Variants in MTA3 observed in about 807,000 individuals in gnomAD.
MTA3 encodes the protein metastasis associated 1 family member 3.
Under a neutral mutation model 83.5 loss-of-function variants are expected in MTA3, and 34 were observed. The observed-to-expected ratio is 0.41, with a 90% CI of 0.31 to 0.54. The LOEUF is 0.54. MTA3 is among the 20% of genes least tolerant of loss of function. The pLI is 0.33. For synonymous variants in MTA3, 303 were observed against 252.7 expected (o/e 1.20, Z -1.89); for missense variants, 761 against 726.4 (o/e 1.05, Z -0.55).
intron 2 of MTA3, among the ~76,000 whole-genome samples, chr2:42,558,238 C>CTTT (rs777256051): frequency 5.6e-5 from 7 of 125,928 alleles, no homozygotes; most frequent in African/African-American, 8.8e-5. Context: ...CACCTGAGGA[C>CTTT]TTTTTTTTTT....
intron 9 of MTA3, among the ~76,000 whole-genome samples, chr2:42,685,925 C>A (rs1331500844): frequency 1.3e-5 from 2 of 152,106 alleles, no homozygotes; most frequent in Admixed American, 6.5e-5. Context: ...TCCTATAATG[C>A]CATCACAGGT....
intron 2 of MTA3, among the ~76,000 whole-genome samples, chr2:42,506,164 G>C (rs1028810906): frequency 6.6e-6 from 1 of 152,126 alleles, no homozygotes; most frequent in African/African-American, 2.4e-5. Context: ...AAAAAGTAAA[G>C]CCCAGTACGG....
At chr2:42,680,019 A>G (rs1160788677) in intron 8 of MTA3, 8 of 152,368 alleles carry the variant, frequency 5.3e-5, no homozygotes, top group Non-Finnish European at 1.2e-4. Context: ...TATTCAAGTT[A>G]TACAAAACCA....
At chr2:42,746,157 T>C (rs1304416186) in intron 16 of MTA3, among the ~76,000 whole-genome samples, 1 of 152,166 alleles carries the variant, frequency 6.6e-6, no homozygotes. Context: ...TCTTGAAATC[T>C]TTGTCTGATT....
chr2:42,540,045 T>G (rs1676451495), intron 2 of MTA3, among the ~76,000 whole-genome samples: 2 of 152,078 alleles, frequency 1.3e-5, no homozygotes, highest in African/African-American at 4.8e-5. Flanking sequence ...GCTGGAAATT[T>G]TTAAATAACG....
intron 16 of MTA3, among the ~76,000 whole-genome samples, chr2:42,742,359 A>T (rs1009460663): frequency 2.0e-5 from 3 of 152,078 alleles, no homozygotes; most frequent in African/African-American, 7.2e-5. Flanking sequence ...GGTGTGTCTC[A>T]AGTGCCTGAC....
At chr2:42,596,061 C>CT (rs1416889128) in intron 3 of MTA3, among the ~76,000 whole-genome samples, 1 of 152,132 alleles carries the variant, frequency 6.6e-6, no homozygotes, top group African/African-American at 2.4e-5. Context: ...ATTTGAAAAA[C>CT]TTTTTCTTAT....
At chr2:42,699,053 G>T (rs993279893) in intron 11 of MTA3, among the ~76,000 whole-genome samples, 1 of 152,110 alleles carries the variant, frequency 6.6e-6, no homozygotes, top group Non-Finnish European at 1.5e-5. Context: ...AATACATTTG[G>T]CTAGTTTTGA....
At chr2:42,510,572 T>G (rs770386253) in intron 2 of MTA3, among the ~76,000 whole-genome samples, 25 of 152,218 alleles carry the variant, frequency 1.6e-4, no homozygotes, top group Non-Finnish European at 2.9e-4. Flanking sequence ...AAATTGTGAA[T>G]TATATCTTAA....
chr2:42,607,511 T>C (rs1683622877), intron 3 of MTA3, among the ~76,000 whole-genome samples: 1 of 151,946 alleles, frequency 6.6e-6, no homozygotes, highest in Non-Finnish European at 1.5e-5. Flanking sequence ...TCTGAGTAGC[T>C]GGGACCATGG....
chr2:42,545,866 G>T (rs895926457), intron 2 of MTA3, among the ~76,000 whole-genome samples: 3 of 152,106 alleles, frequency 2.0e-5, no homozygotes, highest in African/African-American at 4.8e-5. Context: ...ACTTCCTACT[G>T]TGCCACGCTG....
intron 2 of MTA3, among the ~76,000 whole-genome samples, chr2:42,512,748 C>T (rs1674961336): frequency 6.6e-6 from 1 of 152,212 alleles, no homozygotes; most frequent in Non-Finnish European, 1.5e-5. Context: ...CACTCAACCA[C>T]TGTACCAGTG....
chr2:42,636,035 C>T (rs566584130), intron 4 of MTA3, among the ~76,000 whole-genome samples: 9 of 152,076 alleles, frequency 5.9e-5, no homozygotes, highest in African/African-American at 2.2e-4. Flanking sequence ...TTATAGAATG[C>T]TAGGATTACA....
At chr2:42,541,141 C>T (rs1676501715) in intron 2 of MTA3, among the ~76,000 whole-genome samples, 1 of 151,888 alleles carries the variant, frequency 6.6e-6, no homozygotes, top group Non-Finnish European at 1.5e-5. Context: ...AAGTGATTCT[C>T]CTGCCTCAGC....
chr2:42,719,655 T>G (rs975653870), intron 15 of MTA3, among the ~76,000 whole-genome samples: 1 of 152,210 alleles, frequency 6.6e-6, no homozygotes, highest in Non-Finnish European at 1.5e-5. Context: ...ATTACAGATG[T>G]GAGCCACTGC....
chr2:42,539,723 A>G (rs1334886385), intron 2 of MTA3, among the ~76,000 whole-genome samples: 6 of 151,868 alleles, frequency 4.0e-5, no homozygotes, highest in African/African-American at 1.2e-4. Context: ...CTGGGACTAC[A>G]GTCATGTGCC....
chr2:42,728,743 A>G (rs904782012), intron 16 of MTA3, among the ~76,000 whole-genome samples: 7 of 152,084 alleles, frequency 4.6e-5, no homozygotes, highest in African/African-American at 1.7e-4. Context: ...CCTGTTTGCC[A>G]TTTGTATGTC....
intron 8 of MTA3, among the ~76,000 whole-genome samples, chr2:42,673,509 TGAA>T (rs907207319): frequency 2.6e-5 from 4 of 152,340 alleles, no homozygotes; most frequent in African/African-American, 9.6e-5. Flanking sequence ...CAGTTAGTAT[TGAA>T]TATAGTATAT....
intron 5 of MTA3, among the ~76,000 whole-genome samples, chr2:42,641,090 A>G (rs1307267986): frequency 1.3e-5 from 2 of 151,812 alleles, no homozygotes; most frequent in Non-Finnish European, 2.9e-5. Context: ...TGTTTTTGGT[A>G]GAGATGGGGT....
Sources: allele counts gnomAD v4.1 joint callset (sites outside exome capture counted in the v4.1 genomes callset), GRCh38; gene constraint gnomAD v4.1.1; transcripts MANE v1.5; gene names NCBI Gene and HGNC (gene_info 2026-07-23, HGNC 2026-07-21).